Variants in DNAH12 observed in about 807,000 individuals in gnomAD.
The protein encoded by DNAH12 is axonemal beta dynein heavy chain 12.
A neutral mutation model predicts 371.5 loss-of-function variants in DNAH12; 285 were observed. That is an observed-to-expected ratio of 0.77 (90% CI 0.70 to 0.85). The LOEUF is 0.85. DNAH12 is among the 40% of genes least tolerant of loss of function. The probability of loss-of-function intolerance (pLI) is 0.00; values close to 1 mark genes in which losing one functional copy is unlikely to be tolerated. For missense variants in DNAH12, 3,611 were observed against 3,689.4 expected, an observed-to-expected ratio of 0.98 and a Z score of 0.55; for synonymous variants, 1,200 against 1,213.0, an observed-to-expected ratio of 0.99 and a Z score of 0.22.
chr3:57,309,105 T>A (rs1559541441), intron 69 of DNAH12, 46 bp downstream of exon 69: 1 of 1,404,808 alleles, frequency 7.1e-7, no homozygotes. Flanking sequence ...CTTATTAATA[T>A]AAGAAGACAG....
At chr3:57,381,764 T>G (rs904453684) in intron 50 of DNAH12, among the ~76,000 whole-genome samples, 4 of 152,310 alleles carry the variant, frequency 2.6e-5, no homozygotes, top group Admixed American at 6.5e-5. Flanking sequence ...GAAAGGATCT[T>G]AGCTGGAAAA....
intron 4 of DNAH12, among the ~76,000 whole-genome samples, chr3:57,517,608 T>C (rs556657509): frequency 6.6e-6 from 1 of 152,312 alleles, no homozygotes; most frequent in African/African-American, 2.4e-5. Flanking sequence ...AATTCATTAT[T>C]CTAATTATGT....
At position 57,377,530 on chromosome 3, in the gene DNAH12, T is replaced by C. The variant is rs959386776; in HGVS notation, c.8224-308A>G. On this transcript the variant is annotated intron_variant, in intron 52 of 73. Transcript: ENST00000495027. Reference sequence around the variant, plus strand: ...TAATGAGAAGGTGTCACTTAACTGTTGTCAAATAACAGAAAAACATATAAC... The same window carrying C: ...TAATGAGAAGGTGTCACTTAACTGTCGTCAAATAACAGAAAAACATATAAC... Among the ~76,000 whole-genome samples, 1,116 of 152,058 alleles carry C rather than the reference T, an allele frequency of 7.3e-3. 13 individuals are homozygous for C. The highest frequency in any genetic ancestry group is 0.025 in the African/African-American group (1,036 of 41,528).
intron 4 of DNAH12, among the ~76,000 whole-genome samples, chr3:57,513,801 C>G (rs2068086148): frequency 6.6e-6 from 1 of 152,044 alleles, no homozygotes; most frequent in African/African-American, 2.4e-5. Context: ...AAATATGACC[C>G]CCACATTCTT....
At chr3:57,458,913 T>C (rs1347239670) in intron 20 of DNAH12, among the ~76,000 whole-genome samples, 1 of 152,198 alleles carries the variant, frequency 6.6e-6, no homozygotes, top group African/African-American at 2.4e-5. Flanking sequence ...TTCACAAAGA[T>C]TCTGAAGTCA....
At chr3:57,513,836 ACT>A (rs2068086995) in intron 4 of DNAH12, among the ~76,000 whole-genome samples, 1 of 152,172 alleles carries the variant, frequency 6.6e-6, no homozygotes, top group South Asian at 2.1e-4. Context: ...GGAAGCAAAC[ACT>A]CTCATAAATT....
At chr3:57,321,211 C>T (rs1209893778) in intron 65 of DNAH12, among the ~76,000 whole-genome samples, 1 of 152,170 alleles carries the variant, frequency 6.6e-6, no homozygotes, top group Non-Finnish European at 1.5e-5. Flanking sequence ...CTTCTCCATT[C>T]TACTAAGCTC....
intron 60 of DNAH12, among the ~76,000 whole-genome samples, chr3:57,344,765 A>T (rs1309794760): frequency 1.3e-5 from 2 of 152,226 alleles, no homozygotes; most frequent in Non-Finnish European, 2.9e-5. Flanking sequence ...AGTAAAAAGT[A>T]GAACAGAGTA....
At chr3:57,530,900 C>T (rs2068820669) in intron 2 of DNAH12, 1 of 158,232 alleles carries the variant, frequency 6.3e-6, no homozygotes, top group Non-Finnish European at 1.4e-5. Context: ...CATACTTCCA[C>T]TTCTTGTGGG....
chr3:57,550,177 C>CA, the DNAH12 span, among the ~76,000 whole-genome samples: 3 of 151,962 alleles, frequency 2.0e-5, no homozygotes, highest in African/African-American at 7.2e-5. Flanking sequence ...ATTAGCCAGG[C>CA]ATGGCTACAT....
chr3:57,365,862 C>CAT (rs1277920997), intron 57 of DNAH12, among the ~76,000 whole-genome samples: 95,099 of 147,846 alleles, frequency 0.64, 30,713 homozygotes, highest in African/African-American at 0.71. Flanking sequence ...TGTGTGTACA[C>CAT]ATATATATAT....
Position 57,301,818 on chromosome 3 carries a change from T to C in DNAH12, c.11311A>G (p.Ile3771Val), listed in dbSNP as rs1439616527. The C allele has an allele frequency of 3.2e-6, 5 of 1,551,702 alleles. No homozygotes were observed. Among genetic ancestry groups the C allele is most frequent in the Admixed American group, 3.9e-5 (2 of 50,998 alleles). Residue 3771 changes from isoleucine (I) to valine (V), a missense_variant, in exon 70 of 74, where the codon ATA becomes GTA. By Grantham distance (29) the Ile-to-Val change is conservative. This residue lies in a region of DNAH12 where 2,266 missense variants were observed against 2,236.9 expected (regional missense o/e 1.01). Coordinates refer to ENST00000495027, the MANE Select transcript of DNAH12 (RefSeq NM_001366028.2). ...GSLLVGKVPE[I>V]WAKRSYPSLK... ...CTTGGGTATGAACGTTTGGCCCATA[T>C]TTCTGGAACCTTTCCAACAAGTAAG...
intron 52 of DNAH12, among the ~76,000 whole-genome samples, chr3:57,377,879 C>A (rs1013733488): frequency 6.6e-6 from 1 of 152,004 alleles, no homozygotes; most frequent in Non-Finnish European, 1.5e-5. Flanking sequence ...GCCCTTGGTA[C>A]AAAGAATGGA....
At chr3:57,333,108 T>G (rs933736256) in intron 62 of DNAH12, among the ~76,000 whole-genome samples, 4 of 152,102 alleles carry the variant, frequency 2.6e-5, no homozygotes, top group African/African-American at 9.7e-5. Context: ...ATTTTATTAT[T>G]ATTTTTTATG....
At chr3:57,389,634 G>A (rs888754060) in intron 45 of DNAH12, among the ~76,000 whole-genome samples, 15 of 151,552 alleles carry the variant, frequency 9.9e-5, no homozygotes, top group East Asian at 9.7e-4. Context: ...CTTACCATGT[G>A]ACTCCTTTTA....
intron 59 of DNAH12, among the ~76,000 whole-genome samples, chr3:57,356,709 G>A (rs921956491): frequency 1.3e-5 from 2 of 151,772 alleles, no homozygotes; most frequent in Non-Finnish European, 2.9e-5. Flanking sequence ...TATCTTTCAT[G>A]TCTTTTTTTC....
chr3:57,548,075 C>T (rs2069592055), upstream of DNAH12, among the ~76,000 whole-genome samples: 1 of 152,144 alleles, frequency 6.6e-6, no homozygotes, highest in Non-Finnish European at 1.5e-5. Flanking sequence ...GAGTTTACAA[C>T]AATGATGCGA....
intron 50 of DNAH12, among the ~76,000 whole-genome samples, chr3:57,380,731 C>T (rs1361134143): frequency 3.3e-5 from 5 of 152,208 alleles, no homozygotes; most frequent in Admixed American, 6.5e-5. Flanking sequence ...TCCCAAAGTG[C>T]TGGGATTACA....
intron 8 of DNAH12, 31 bp from the exon 9 acceptor site, chr3:57,504,235 G>A: frequency 1.3e-6 from 2 of 1,575,204 alleles, no homozygotes; most frequent in Non-Finnish European, 1.7e-6. Context: ...TTACTTTAGA[G>A]AGTACAAATT....
Sources: gnomAD v4.1 joint callset for allele counts (sites outside exome capture counted in the v4.1 genomes callset) on GRCh38, gnomAD v4.1.1 for gene constraint, gnomAD v4.1.1 regional missense constraint, MANE v1.5 for transcripts, NCBI Gene and HGNC (gene_info 2026-07-23, HGNC 2026-07-21) for gene names.